GPHN: variants seen among roughly 807,000 people sequenced by gnomAD.
GPHN encodes the protein gephyrin.
In GPHN, 17 loss-of-function variants were observed where a neutral mutation model predicts 95.5. That is an observed-to-expected ratio of 0.18 (90% CI 0.12 to 0.27). The LOEUF is 0.27. Among genes scored for constraint, GPHN ranks in the 10% least tolerant of loss-of-function variants. The pLI, the probability that GPHN is intolerant of heterozygous loss-of-function variation, is 1.00. For synonymous variants in GPHN, 320 were observed against 322.5 expected (o/e 0.99, Z 0.08); for missense variants, 660 against 978.1 (o/e 0.67, Z 4.34).
At chr14:66,961,933 TATATATATATATATACAC>T (rs1172782918) in intron 8 of GPHN, among the ~76,000 whole-genome samples, 62 of 82,492 alleles carry the variant, frequency 7.5e-4, no homozygotes, top group African/African-American at 4.2e-3. Context: ...TATATATATA[TATATATATATATATACAC>T]ATATCTCCCA....
Position 67,168,942 on chromosome 14 carries a change from T to C in GPHN, c.1985T>C (p.Val662Ala). The C allele has an allele frequency of 1.9e-6, 3 of 1,607,086 alleles. No homozygotes were observed. The highest frequency in any genetic ancestry group is 2.6e-6 in the Non-Finnish European group (3 of 1,173,544). Residue 662 changes from valine to alanine, a missense_variant, in exon 21 of 23, where the codon GTA (valine) becomes GCA (alanine). Val to Ala is a moderately conservative substitution (Grantham distance 64, BLOSUM62 0). Transcript: ENST00000478722. ...CTTGGTTGACTTTCAGGGAATCCTG[T>C]ATCGGCTGTGGTCACCTGCAATCTC... ...KIIFALPGNP[V>A]SAVVTCNLFV... is the part of the protein sequence containing the mutation.
At chr14:67,692,504 A>T in the GPHN span, 1 of 1,613,850 alleles carries the variant, frequency 6.2e-7, no homozygotes, top group African/African-American at 1.3e-5. Flanking sequence ...TTCCGCACCA[A>T]CACCTGCTGG....
the GPHN span, among the ~76,000 whole-genome samples, chr14:67,188,164 G>C: frequency 1.3e-5 from 2 of 152,070 alleles, no homozygotes; most frequent in Admixed American, 1.3e-4. Flanking sequence ...ATCTCATGAG[G>C]GACAAAGAGG....
At chr14:66,974,278 A>G (rs1008246526) in intron 9 of GPHN, among the ~76,000 whole-genome samples, 1 of 152,082 alleles carries the variant, frequency 6.6e-6, no homozygotes, top group African/African-American at 2.4e-5. Context: ...TTGGTCTATA[A>G]CTTATTTTCA....
At chr14:67,233,926 C>A in the GPHN span, among the ~76,000 whole-genome samples, 58 of 152,282 alleles carry the variant, frequency 3.8e-4, no homozygotes, top group African/African-American at 1.3e-3. Flanking sequence ...GGCAGAAGTT[C>A]AGACTAAAGA....
intron 3 of GPHN, among the ~76,000 whole-genome samples, chr14:66,777,818 G>A (rs1253988160): frequency 1.4e-4 from 21 of 152,154 alleles, no homozygotes; most frequent in South Asian, 6.2e-4. Flanking sequence ...TTGATGGGAC[G>A]TATCTCAAAA....
At chr14:67,030,999 G>A (rs1448512879) in intron 10 of GPHN, among the ~76,000 whole-genome samples, 2 of 132,246 alleles carry the variant, frequency 1.5e-5, no homozygotes, top group East Asian at 2.5e-4. Context: ...AATACTGGGG[G>A]TTTTGTTTGT....
the GPHN span, among the ~76,000 whole-genome samples, chr14:67,612,462 C>G: frequency 9.2e-5 from 14 of 152,224 alleles, no homozygotes; most frequent in East Asian, 1.9e-3. Flanking sequence ...AAGGAGCTTC[C>G]GGTTCTGGTT....
At chr14:67,199,777 T>C in the GPHN span, 1 of 1,530,630 alleles carries the variant, frequency 6.5e-7, no homozygotes, top group East Asian at 2.3e-5. Flanking sequence ...GCATGCCTCC[T>C]CCTGGCTCCT....
intron 2 of GPHN, among the ~76,000 whole-genome samples, chr14:66,683,195 C>A (rs1371971052): frequency 6.7e-6 from 1 of 150,234 alleles, no homozygotes. Flanking sequence ...TTTACTCCTG[C>A]CTGCTTGGCT....
At chr14:67,674,833 C>T in the GPHN span, 1 of 188,974 alleles carries the variant, frequency 5.3e-6, no homozygotes, top group East Asian at 1.2e-4. Flanking sequence ...GCGAAAGGGG[C>T]CTAGGGGACC....
At chr14:66,638,861 C>T (rs936087041) in intron 1 of GPHN, among the ~76,000 whole-genome samples, 1 of 151,988 alleles carries the variant, frequency 6.6e-6, no homozygotes, top group East Asian at 1.9e-4. Context: ...CATACTGAGT[C>T]ATCAGATGAC....
At chr14:67,369,920 G>T in the GPHN span, among the ~76,000 whole-genome samples, 1 of 152,174 alleles carries the variant, frequency 6.6e-6, no homozygotes. Context: ...AAATATAGGG[G>T]TGTGAAGTGG....
At chr14:67,204,985 A>G in the GPHN span, 9 of 1,574,992 alleles carry the variant, frequency 5.7e-6, no homozygotes, top group South Asian at 1.0e-4. Context: ...CATAGAAGTC[A>G]GAGAAGCCAC....
intron 2 of GPHN, among the ~76,000 whole-genome samples, chr14:66,775,149 T>A (rs1173263203): frequency 1.3e-5 from 2 of 152,142 alleles, no homozygotes; most frequent in African/African-American, 4.8e-5. Context: ...AGTTTTTGGA[T>A]CATTTGGTTG....
At chr14:66,908,249 G>A (rs953754711) in intron 5 of GPHN, among the ~76,000 whole-genome samples, 1 of 151,824 alleles carries the variant, frequency 6.6e-6, no homozygotes, top group Non-Finnish European at 1.5e-5. Context: ...ATATCTCGTA[G>A]TGCTTAAAAG....
At chr14:66,842,171 T>C (rs961028647) in intron 4 of GPHN, among the ~76,000 whole-genome samples, 2 of 150,980 alleles carry the variant, frequency 1.3e-5, no homozygotes, top group Admixed American at 6.7e-5. Context: ...CATCAACATA[T>C]AAATGGAATT....
chr14:67,384,901 A>G, the GPHN span: 5 of 152,220 alleles, frequency 3.3e-5, no homozygotes, highest in Admixed American at 6.5e-5. Context: ...CAAAAAAACA[A>G]GTTTAGAAAG....
intron 2 of GPHN, among the ~76,000 whole-genome samples, chr14:66,757,590 A>G (rs751084985): frequency 6.6e-6 from 1 of 152,094 alleles, no homozygotes; most frequent in Non-Finnish European, 1.5e-5. Context: ...GGGTTTCACC[A>G]TGTTGGCCAG....
Sources: allele counts gnomAD v4.1 joint callset (sites outside exome capture counted in the v4.1 genomes callset), GRCh38; gene constraint gnomAD v4.1.1; transcripts MANE v1.5; gene names NCBI Gene and HGNC (gene_info 2026-07-23, HGNC 2026-07-21).